Variants in SRGAP3 observed in about 807,000 individuals in gnomAD.
The protein encoded by SRGAP3 is SLIT-ROBO Rho GTPase activating protein 3.
Under a neutral mutation model 121.1 loss-of-function variants are expected in SRGAP3, and 39 were observed. The observed-to-expected ratio is 0.32, with a 90% CI of 0.25 to 0.42. The LOEUF (loss-of-function observed/expected upper bound fraction) is 0.42, where lower values mean the gene tolerates loss of function less well. Ranked by LOEUF, SRGAP3 falls within the 10% of genes least tolerant of loss-of-function variation. The pLI is 1.00. For missense variants in SRGAP3, 1,213 were observed against 1,470.6 expected (o/e 0.82, Z 2.86); for synonymous variants, 601 against 570.0 (o/e 1.05, Z -0.77).
rs1011535792 is a variant in SRGAP3 at position 9,052,957 on chromosome 3, G to C, written c.1323+70C>G. The C allele has an allele frequency of 4.5e-6, 7 of 1,570,684 alleles. No homozygotes were observed. In the African/African-American group the frequency reaches 9.5e-5, roughly 21 times the overall value. ...GGTTTCTCTGGTTCTCAGTAGCTTG[G>C]GTTGCTCCTGAAAAGTCACTGCCAG... is the stretch of plus-strand genomic sequence containing the variant. On this transcript the variant is annotated intron_variant, in intron 9 of 21. Coordinates refer to ENST00000383836, the MANE Select transcript of SRGAP3 (RefSeq NM_014850.4).
chr3:9,253,690 C>G (rs1222399011), upstream of SRGAP3, among the ~76,000 whole-genome samples: 1 of 152,156 alleles, frequency 6.6e-6, no homozygotes, highest in East Asian at 1.9e-4. Context: ...AAAATGAAAG[C>G]AACAAGCAGA....
At chr3:9,268,182 T>C (rs566024087) in intron 3 of SRGAP3, among the ~76,000 whole-genome samples, 2 of 152,140 alleles carry the variant, frequency 1.3e-5, no homozygotes, top group East Asian at 3.9e-4. Context: ...TAACCCCCAA[T>C]GTGATGGTAT....
rs1941496266 is a variant in SRGAP3, at chr3:8,982,933, A to C, written c.*2586T>G. 2 of 230,140 alleles carry C rather than the reference A, an allele frequency of 8.7e-6. No homozygotes were observed. The highest frequency in any genetic ancestry group is 5.7e-5 in the Admixed American group (1 of 17,676). 14.3% of individuals were successfully genotyped at this position (230,140 alleles called of 1,614,324 possible). ...CAGGTCCATTTTCAGTAAGAAAAAA[A>C]CAAAATCAGTCAATTCAGAGAAAAA... On this transcript the variant is annotated 3_prime_UTR_variant, in exon 22 of 22. Coordinates refer to ENST00000383836, the MANE Select transcript of SRGAP3 (RefSeq NM_014850.4).
chr3:9,028,024 G>C, intron 12 of SRGAP3: 1 of 1,558,676 alleles, frequency 6.4e-7, no homozygotes, highest in Non-Finnish European at 8.9e-7. Context: ...GGCAAGGTGG[G>C]CTCTGTTCTG....
rs1954531966 is a variant in SRGAP3, at chr3:9,274,310, G to A, written n.442+51700C>T. On this transcript the variant is annotated intron_variant and non_coding_transcript_variant, in intron 3 of 3. Coordinates refer to the SRGAP3 transcript ENST00000490889. The stretch of plus-strand genomic sequence containing the variant: ...CCTGACCCCTTCACAAGTGGGAACT[G>A]GAGTTCAGGGGCAGTGGAACTAGCC... 2.0e-5 allele frequency among the ~76,000 whole-genome samples: 3 copies of A among 152,250 alleles called. No individual in the cohort carries two copies. In the South Asian group the frequency reaches 6.2e-4, roughly 32 times the overall value.
intron 3 of SRGAP3, among the ~76,000 whole-genome samples, chr3:9,082,575 C>A (rs913660674): frequency 4.6e-5 from 7 of 152,216 alleles, no homozygotes; most frequent in African/African-American, 1.7e-4. Flanking sequence ...CTAAAAGGAC[C>A]AAGACATTCT....
At chr3:8,995,283 G>A (rs918148723) in intron 18 of SRGAP3, among the ~76,000 whole-genome samples, 1 of 152,066 alleles carries the variant, frequency 6.6e-6, no homozygotes, top group Admixed American at 6.6e-5. Context: ...ACCAGCCTGG[G>A]CAATATAGTG....
intron 1 of SRGAP3, among the ~76,000 whole-genome samples, chr3:9,128,027 T>G (rs1025378819): frequency 6.6e-5 from 10 of 152,084 alleles, no homozygotes; most frequent in East Asian, 3.9e-4. Context: ...TGCTCATTTT[T>G]GGGGCATTTC....
chr3:9,244,435 T>C (rs1574932277), intron 1 of SRGAP3, among the ~76,000 whole-genome samples: 2 of 80,462 alleles, frequency 2.5e-5, no homozygotes, highest in African/African-American at 9.9e-5. Context: ...TGGATGAATA[T>C]GTAACAAAAA....
chr3:9,181,447 T>G (rs544664722), intron 1 of SRGAP3, among the ~76,000 whole-genome samples: 1 of 152,362 alleles, frequency 6.6e-6, no homozygotes, highest in East Asian at 1.9e-4. Context: ...GGGGGTTTTT[T>G]GCTTAGAGTC....
chr3:9,077,545 C>T (rs1054477172), intron 4 of SRGAP3, among the ~76,000 whole-genome samples: 4 of 152,198 alleles, frequency 2.6e-5, no homozygotes, highest in Admixed American at 2.0e-4. Flanking sequence ...AAGGAGAGAG[C>T]TAGGACCCTT....
rs1185889670 is a variant in SRGAP3 at position 9,064,582 on chromosome 3, C to G, written c.487-1G>C. 1 of 1,613,920 alleles carries G rather than the reference C, an allele frequency of 6.2e-7. No homozygotes were observed. The highest frequency in any genetic ancestry group is 8.5e-7 in the Non-Finnish European group (1 of 1,179,982). Reference sequence around the variant, plus strand: ...GGTACATGTGGTAGGTTTTCATGACCTGGGGGTGCACAAGTAGGGGAAATC... The same window carrying G: ...GGTACATGTGGTAGGTTTTCATGACGTGGGGGTGCACAAGTAGGGGAAATC... On this transcript the variant is annotated splice_acceptor_variant, in intron 4 of 21. Coordinates refer to ENST00000383836, the MANE Select transcript of SRGAP3 (RefSeq NM_014850.4). LOFTEE classifies it high-confidence loss of function.
chr3:9,297,177 G>A (rs1467831936), intron 3 of SRGAP3, among the ~76,000 whole-genome samples: 4 of 152,092 alleles, frequency 2.6e-5, no homozygotes, highest in Admixed American at 2.0e-4. Flanking sequence ...ATTGAGTTAC[G>A]GGTTAACAGA....
At chr3:9,292,554 TG>T (rs1954887344) in intron 3 of SRGAP3, 1 of 152,234 alleles carries the variant, frequency 6.6e-6, no homozygotes, top group African/African-American at 2.4e-5. Flanking sequence ...AAATGTTTTT[TG>T]TCTATCAAAT....
chr3:9,353,645 C>T lies in SRGAP3; in HGVS notation n.214+9195G>A, dbSNP rs2030320745. Among the ~76,000 whole-genome samples, 2 of 152,300 alleles carry T rather than the reference C, an allele frequency of 1.3e-5. 1 individual carries two copies. Among genetic ancestry groups the T allele is most frequent in the Admixed American group, 1.3e-4 (2 of 15,298 alleles). On this transcript the variant is annotated intron_variant and non_coding_transcript_variant, in intron 1 of 3. Coordinates refer to the SRGAP3 transcript ENST00000490889. ...AAGCCTCTGCTTGCTTAGAGCACAG[C>T]CAAAGCTGATTGTATTTCCCTCTAG...
chr3:9,262,534 C>CGAAAAAA (rs1954274630), intron 3 of SRGAP3, among the ~76,000 whole-genome samples: 1 of 25,582 alleles, frequency 3.9e-5, no homozygotes. Context: ...AAATGGAAAG[C>CGAAAAAA]AAAAAAAAAA....
chr3:9,273,321 T>C (rs1248150021), intron 3 of SRGAP3, among the ~76,000 whole-genome samples: 3 of 152,150 alleles, frequency 2.0e-5, no homozygotes, highest in Non-Finnish European at 2.9e-5. Context: ...TTATTGTGGT[T>C]TTAATTTTCA....
At chr3:9,181,653 A>AC (rs1951406347) in intron 1 of SRGAP3, among the ~76,000 whole-genome samples, 5 of 152,312 alleles carry the variant, frequency 3.3e-5, no homozygotes, top group Admixed American at 3.3e-4. Context: ...CAGGGAGGGT[A>AC]CAACGCATCA....
Position 9,133,905 on chromosome 3 carries a change from C to T in SRGAP3, c.68-8988G>A, listed in dbSNP as rs774838249. On this transcript the variant is annotated intron_variant, in intron 1 of 21. Transcript: ENST00000383836. ...TGGTAGGGTTTTAAGTAAAATAAGACTGGCCTTGAGTTAATCATTAAAGTT... is the reference window on the plus strand; with the variant it reads ...TGGTAGGGTTTTAAGTAAAATAAGATTGGCCTTGAGTTAATCATTAAAGTT... 8.4e-4 allele frequency among the ~76,000 whole-genome samples: 128 copies of T among 152,312 alleles called. 2 individuals are homozygous for T. Among genetic ancestry groups the T allele is most frequent in the Middle Eastern group, 3.4e-3 (1 of 294 alleles).
Sources: allele counts gnomAD v4.1 joint callset (sites outside exome capture counted in the v4.1 genomes callset), GRCh38; gene constraint gnomAD v4.1.1; transcripts MANE v1.5; gene names NCBI Gene and HGNC (gene_info 2026-07-23, HGNC 2026-07-21).